The following MUC17 variants were observed in gnomAD, a reference collection of about 807,000 sequenced individuals.
MUC17 encodes the protein mucin 17, cell surface associated.
A neutral mutation model predicts 170.3 loss-of-function variants in MUC17; 190 were observed. The ratio of observed to expected loss-of-function variants is 1.12; its 90% CI spans 0.99 to 1.26. MUC17 has a LOEUF of 1.26. Among genes scored for constraint, MUC17 ranks in the 50% most tolerant of loss-of-function variants. The probability of loss-of-function intolerance (pLI) is 0.00; values close to 1 mark genes in which losing one functional copy is unlikely to be tolerated. For synonymous variants in MUC17, 2,325 were observed against 2,002.5 expected, an observed-to-expected ratio of 1.16 and a Z score of -4.30; for missense variants, 6,415 against 5,530.0, an observed-to-expected ratio of 1.16 and a Z score of -5.08.
At position 101,042,639 on chromosome 7, in the gene MUC17, CA is replaced by C; in HGVS notation, c.11224del (p.Thr3742ProfsTer10). 6.2e-7 allele frequency: 1 copy of C among 1,614,068 alleles called. No individual in the cohort carries two copies. ...ISSSATLDST[T>X]MSVSMPMEIS... ...CATCTTCTGCAACTCTTGACAGCAC[CA>C]CCATGTCTGTGTCAATGCCCATGGA... On this transcript the variant is annotated frameshift_variant, in exon 3 of 13. Coordinates refer to ENST00000306151, the MANE Select transcript of MUC17 (RefSeq NM_001040105.2). LOFTEE classifies it high-confidence loss of function.
chr7:101,024,253 A>G (rs1198857732), intron 1 of MUC17, among the ~76,000 whole-genome samples: 1 of 151,990 alleles, frequency 6.6e-6, no homozygotes, highest in Non-Finnish European at 1.5e-5. Flanking sequence ...TAGAAAAATT[A>G]TCTGGGCATG....
At chr7:101,046,153 C>G (rs57726076) in intron 3 of MUC17, among the ~76,000 whole-genome samples, 1,821 of 152,262 alleles carry the variant, frequency 0.012, 34 homozygotes, top group African/African-American at 0.04. Context: ...TCTATTCTTT[C>G]CAAATGTCTT....
rs1446861433 is a variant in MUC17, at chr7:101,043,130, C to A, written c.11714C>A (p.Thr3905Asn). 1.2e-6 allele frequency: 2 copies of A among 1,614,058 alleles called. No individual in the cohort carries two copies. Among genetic ancestry groups the A allele is most frequent in the Non-Finnish European group, 1.7e-6 (2 of 1,180,032 alleles). Residue 3905 changes from threonine to asparagine, a missense_variant, in exon 3 of 13, where the codon ACT becomes AAT. Transcript: ENST00000306151. The stretch of plus-strand genomic sequence containing the variant: ...ACACCTCCTCTTGACACAAGCACAA[C>A]TTTTACCCCTTCTACTGACACTGCC... ...ASTPPLDTSTTFTPSTDTAST... is the reference protein window; with the variant it reads ...ASTPPLDTSTNFTPSTDTAST...
In MUC17 at chr7:101,042,683, C is replaced by G. The variant is rs780641066; in HGVS notation, c.11267C>G (p.Thr3756Ser). Residue 3756 changes from threonine (T) to serine (S), a missense_variant, in exon 3 of 13, where the codon ACC becomes AGC. Coordinates refer to ENST00000306151, the MANE Select transcript of MUC17 (RefSeq NM_001040105.2). ...CCCATGGAAATAAGCACCCTTGGGA[C>G]CACTATTCTTGTCAGTACCACACCT... ...SMPMEISTLG[T>S]TILVSTTPVT... The G allele has an allele frequency of 1.2e-6, 2 of 1,613,918 alleles. No homozygotes were observed. The highest frequency in any genetic ancestry group is 1.7e-5 in the Admixed American group (1 of 60,026).
At chr7:101,056,473 C>G (rs1795047745) in intron 12 of MUC17, among the ~76,000 whole-genome samples, 2 of 152,322 alleles carry the variant, frequency 1.3e-5, no homozygotes, top group South Asian at 4.1e-4. Context: ...GAATCACTTT[C>G]CTTTGACCCC....
Position 101,041,689 on chromosome 7 carries a change from G to A in MUC17, c.10273G>A (p.Asp3425Asn). Residue 3425 changes from aspartate to asparagine, a missense_variant, in exon 3 of 13, where the codon GAC (aspartate) becomes AAC (asparagine). Transcript: ENST00000306151. ...EVNTLSTTPVDSNTLVTTSTE... is the reference protein window; with the variant it reads ...EVNTLSTTPVNSNTLVTTSTE... ...TAACACCCTTTCAACAACTCCTGTG[G>A]ACTCCAACACTCTGGTGACCACTTC... 1 of 1,613,750 alleles carries A rather than the reference G, an allele frequency of 6.2e-7. No homozygotes were observed. The highest frequency in any genetic ancestry group is 8.5e-7 in the Non-Finnish European group (1 of 1,179,974).
In MUC17 at chr7:101,033,137, A is replaced by T; in HGVS notation, c.1721A>T (p.Asn574Ile). ...TPSEGSTPLT[N>I]MPVSTRLVVS... ...AGTGAAGGAAGCACTCCATTAACAA[A>T]CATGCCTGTCAGCACCAGGCTGGTG... is the stretch of plus-strand genomic sequence containing the variant. Residue 574 changes from asparagine (N) to isoleucine (I), a missense_variant, in exon 3 of 13, where the codon AAC becomes ATC. Physicochemically the swap from Asn to Ile is moderately radical, Grantham distance 149. Coordinates refer to ENST00000306151, the MANE Select transcript of MUC17 (RefSeq NM_001040105.2). The T allele has an allele frequency of 6.2e-7, 1 of 1,600,488 alleles. No individual in the cohort carries two copies. Among genetic ancestry groups the T allele is most frequent in the African/African-American group, 1.4e-5 (1 of 71,268 alleles).
At chr7:101,051,364 CAAA>C (rs398005597) in intron 7 of MUC17, among the ~76,000 whole-genome samples, 87 of 52,122 alleles carry the variant, frequency 1.7e-3, no homozygotes, top group Non-Finnish European at 2.1e-3. Context: ...TACTCCATCT[CAAA>C]AAAAAAAAAA....
rs976497762 is a variant in MUC17 at position 101,053,208 on chromosome 7, C to T, written c.13265+61C>T. The T allele has an allele frequency of 1.4e-5, 23 of 1,591,598 alleles. No homozygotes were observed. The South Asian group carries it at 2.6e-4, about 18-fold the overall frequency. ...CTCCAGCTCCTCCTCTTCCTCTGAA[C>T]CCTCTGTCTCTAATCACTTCATAGT... On this transcript the variant is annotated intron_variant, in intron 10 of 12. Coordinates refer to ENST00000306151, the MANE Select transcript of MUC17 (RefSeq NM_001040105.2).
rs138703892 is a variant in MUC17 at position 101,038,816 on chromosome 7, C to T, written c.7400C>T (p.Pro2467Leu). The T allele has an allele frequency of 3.0e-5, 49 of 1,612,536 alleles. No homozygotes were observed. Among genetic ancestry groups the T allele is most frequent in the Middle Eastern group, 1.7e-4 (1 of 6,050 alleles). ...GCAAGTATGCCTGTCAGCACCACGC[C>T]GGTGGTCAGTTCTGAGGCTGGCACC... ...PLASMPVSTTPVVSSEAGTLS... is the reference protein window; with the variant it reads ...PLASMPVSTTLVVSSEAGTLS... Residue 2467 changes from proline to leucine, a missense_variant, in exon 3 of 13, where the codon CCG becomes CTG. By Grantham distance (98) the Pro-to-Leu change is moderately conservative (BLOSUM62 -3). Coordinates refer to ENST00000306151, the MANE Select transcript of MUC17 (RefSeq NM_001040105.2).
intron 12 of MUC17, 33 bp downstream of exon 12, chr7:101,056,303 C>T: frequency 6.2e-7 from 1 of 1,611,044 alleles, no homozygotes; most frequent in East Asian, 2.2e-5. Flanking sequence ...GCTGGCCTCC[C>T]CCAACCCTGC....
intron 1 of MUC17, among the ~76,000 whole-genome samples, chr7:101,023,598 G>T (rs1018048563): frequency 2.6e-5 from 4 of 152,050 alleles, no homozygotes; most frequent in African/African-American, 9.7e-5. Flanking sequence ...AGAGACGGGG[G>T]TTTCGCCATG....
rs371699299 is a variant in MUC17, at chr7:101,035,838, C to T, written c.4422C>T (p.Thr1474=). 1 of 1,599,626 alleles carries T rather than the reference C, an allele frequency of 6.3e-7. No individual in the cohort carries two copies. Among genetic ancestry groups the T allele is most frequent in the East Asian group, 2.2e-5 (1 of 44,650 alleles). ...CGGTGGCCAATTCTGAGGCTAGCAC[C>T]CTTTCAACAACTCCTGTTGACTCTA... ...NTPVANSEAS[T]LSTTPVDSNS... The change falls in exon 3 of 13, where the codon ACC becomes ACT. Residue 1474 remains threonine, a synonymous_variant. Coordinates refer to ENST00000306151, the MANE Select transcript of MUC17 (RefSeq NM_001040105.2).
rs535176046 is a variant in MUC17 at position 101,039,987 on chromosome 7, C to T, written c.8571C>T (p.Ile2857=). ...CATCTCCTACAACTGCTGAAGGTAT[C>T]GTCGTGCCAATCTCAACTGCTAGTG... ...ASSSPTTAEG[I]VVPISTASEG... Residue 2857 remains isoleucine (I), a synonymous_variant, in exon 3 of 13, where the codon ATC becomes ATT. Transcript: ENST00000306151. 10 of 1,613,198 alleles carry T rather than the reference C, an allele frequency of 6.2e-6. No homozygotes were observed. Among genetic ancestry groups the T allele is most frequent in the Non-Finnish European group, 7.6e-6 (9 of 1,179,792 alleles).
Position 101,048,951 on chromosome 7 carries a change from C to T in MUC17, c.12642C>T (p.Phe4214=). ...ACTCTTCCCAGGAATTCCAGGAGTT[C>T]AAACAGACATTCACGGAACAGGTAA... ...KNHSSQEFQE[F]KQTFTEQMNI... Residue 4214 remains phenylalanine (F), a synonymous_variant, in exon 5 of 13, where the codon TTC becomes TTT. Transcript: ENST00000306151. 1 of 1,614,150 alleles carries T rather than the reference C, an allele frequency of 6.2e-7. No individual in the cohort carries two copies. The highest frequency in any genetic ancestry group is 8.5e-7 in the Non-Finnish European group (1 of 1,180,008).
chr7:101,031,140 G>A lies in MUC17; in HGVS notation c.103G>A (p.Val35Met). The A allele has an allele frequency of 2.5e-6, 4 of 1,613,754 alleles. No homozygotes were observed. The highest frequency in any genetic ancestry group is 3.4e-6 in the Non-Finnish European group (4 of 1,179,792). The change falls in exon 2 of 13, where the codon GTG (valine) becomes ATG (methionine). Residue 35 changes from valine to methionine, a missense_variant. Physicochemically the swap from Val to Met is conservative, Grantham distance 21 (BLOSUM62 1). Transcript: ENST00000306151. ...AEQDLSVNRA[V>M]WDGGGCISQG... is the part of the protein sequence containing the mutation. ...TTCAGACCTCAGTGTGAACAGGGCT[G>A]TGTGGGATGGAGGAGGGTGCATCTC...
In MUC17 at chr7:101,034,978, A is replaced by G. The variant is rs1433941329; in HGVS notation, c.3562A>G (p.Lys1188Glu). The G allele has an allele frequency of 6.2e-7, 1 of 1,613,956 alleles. No homozygotes were observed. Among genetic ancestry groups the G allele is most frequent in the East Asian group, 2.2e-5 (1 of 44,852 alleles). ...CCTTTCAACAACTCCTGTGGACTCC[A>G]AAACTCAGGTGGCCACTTCTACTGA... is the stretch of plus-strand genomic sequence containing the variant. ...NTLSTTPVDSKTQVATSTEAS... is the reference protein window; with the variant it reads ...NTLSTTPVDSETQVATSTEAS... Residue 1188 changes from lysine to glutamate, a missense_variant, in exon 3 of 13, where the codon AAA (lysine) becomes GAA (glutamate). Physicochemically the swap from Lys to Glu is moderately conservative, Grantham distance 56 (BLOSUM62 1). Coordinates refer to ENST00000306151, the MANE Select transcript of MUC17 (RefSeq NM_001040105.2).
chr7:101,029,363 A>G (rs1794237020), intron 1 of MUC17, among the ~76,000 whole-genome samples: 2 of 151,916 alleles, frequency 1.3e-5, no homozygotes, highest in Admixed American at 6.6e-5. Context: ...CTCTAAATAC[A>G]TACATACATA....
In MUC17 at chr7:101,034,160, C is replaced by A; in HGVS notation, c.2744C>A (p.Pro915Gln). The change falls in exon 3 of 13, where the codon CCA becomes CAA. Residue 915 changes from proline (P) to glutamine (Q), a missense_variant. Pro to Gln is a moderately conservative substitution (Grantham distance 76). Transcript: ENST00000306151. ...ACAACTTCTGAAGGTACCAGCATGC[C>A]AACCTCAACTCCTGGGGAAGGAAGC... ...SPTTSEGTSM[P>Q]TSTPGEGSTP... 6.3e-7 allele frequency: 1 copy of A among 1,584,472 alleles called. No homozygotes were observed. Among genetic ancestry groups the A allele is most frequent in the Non-Finnish European group, 8.6e-7 (1 of 1,164,038 alleles).
Sources: gnomAD v4.1 joint callset for allele counts (sites outside exome capture counted in the v4.1 genomes callset) on GRCh38, gnomAD v4.1.1 for gene constraint, MANE v1.5 for transcripts, NCBI Gene and HGNC (gene_info 2026-07-23, HGNC 2026-07-21) for gene names.